SVEP1: variants seen among roughly 807,000 people sequenced by gnomAD.
SVEP1 encodes the protein sushi, von Willebrand factor type A, EGF and pentraxin domain-containing protein 1.
In SVEP1, 164 loss-of-function variants were observed where a neutral mutation model predicts 367.3. The observed-to-expected ratio is 0.45, with a 90% CI of 0.39 to 0.51. SVEP1 has a LOEUF of 0.51. Ranked by LOEUF, SVEP1 falls within the 20% of genes least tolerant of loss-of-function variation. The pLI is 0.00. For missense variants in SVEP1, 4,117 were observed against 4,425.3 expected (o/e 0.93, Z 1.98); for synonymous variants, 1,666 against 1,611.6 (o/e 1.03, Z -0.81).
intron 9 of SVEP1, among the ~76,000 whole-genome samples, chr9:110,486,368 G>A (rs115131058): frequency 0.012 from 1,835 of 152,282 alleles, 40 homozygotes; most frequent in African/African-American, 0.042. Flanking sequence ...GACAGCAGAT[G>A]TACTGTCTCC....
At chr9:110,565,371 G>A (rs551647437) in intron 1 of SVEP1, among the ~76,000 whole-genome samples, 1 of 152,252 alleles carries the variant, frequency 6.6e-6, no homozygotes, top group African/African-American at 2.4e-5. Context: ...TTTTGCTTGG[G>A]TTACATTTTA....
rs1393266831 is a variant in SVEP1 at position 110,483,632 on chromosome 9, C to T, written c.1992G>A (p.Lys664=). The T allele has an allele frequency of 1.2e-6, 2 of 1,612,380 alleles. No individual in the cohort carries two copies. The highest frequency in any genetic ancestry group is 1.3e-5 in the African/African-American group (1 of 74,956). ...GCTCATCCCAGCTTGCGGCATGTAC[C>T]TTCTCCGAGACCTGGACGGGAGGTG... The part of the protein sequence containing the change: ...RSPPPVQVSE[K]VHAASWDEPQ... Residue 664 remains lysine (K), a synonymous_variant, in exon 10 of 48, where the codon AAG becomes AAA. Transcript: ENST00000374469.
chr9:110,550,404 C>T (rs760270543), intron 1 of SVEP1, among the ~76,000 whole-genome samples: 19 of 152,052 alleles, frequency 1.2e-4, no homozygotes, highest in Non-Finnish European at 1.8e-4. Flanking sequence ...AATATTATCA[C>T]TTATTATTAT....
intron 1 of SVEP1, among the ~76,000 whole-genome samples, chr9:110,563,964 A>G (rs1410027530): frequency 6.6e-6 from 1 of 152,200 alleles, no homozygotes; most frequent in East Asian, 1.9e-4. Flanking sequence ...CAGGAAAAAG[A>G]ATATAAATGA....
chr9:110,444,598 C>A (rs572277699), intron 26 of SVEP1, among the ~76,000 whole-genome samples: 2 of 152,168 alleles, frequency 1.3e-5, no homozygotes, highest in African/African-American at 4.8e-5. Context: ...CTGTGTCATT[C>A]AGGGAAATGA....
chr9:110,483,602 C>T lies in SVEP1; in HGVS notation c.2022G>A (p.Gln674=). 1 of 1,612,086 alleles carries T rather than the reference C, an allele frequency of 6.2e-7. No individual in the cohort carries two copies. The highest frequency in any genetic ancestry group is 8.5e-7 in the Non-Finnish European group (1 of 1,179,092). Residue 674 remains glutamine (Q), a synonymous_variant, in exon 10 of 48, where the codon CAG becomes CAA. Transcript: ENST00000374469. ...KVHAASWDEP[Q]FSDNSGAELV... ...TCACCTCACCTGAGTTGTCTGAGAA[C>T]TGAGGCTCATCCCAGCTTGCGGCAT...
chr9:110,471,657 T>C, intron 15 of SVEP1, 60 bp from the exon 16 acceptor site: 2 of 1,291,050 alleles, frequency 1.5e-6, no homozygotes, highest in Non-Finnish European at 1.1e-6. Context: ...AAGTCATTTG[T>C]AGTTAATTTT....
intron 24 of SVEP1, among the ~76,000 whole-genome samples, chr9:110,449,338 T>C (rs899630517): frequency 3.3e-5 from 5 of 152,124 alleles, no homozygotes; most frequent in Admixed American, 2.0e-4. Flanking sequence ...CAAAGGTTAC[T>C]AAACTAAAAA....
chr9:110,525,519 T>C (rs1829929564), intron 3 of SVEP1, among the ~76,000 whole-genome samples: 1 of 152,160 alleles, frequency 6.6e-6, no homozygotes, highest in South Asian at 2.1e-4. Context: ...GCAGATATAA[T>C]ACAACTCCGA....
At chr9:110,450,035 A>G in intron 24 of SVEP1, 24 bp downstream of exon 24, 1 of 1,611,788 alleles carries the variant, frequency 6.2e-7, no homozygotes, top group South Asian at 1.1e-5. Flanking sequence ...AAAACAGTGA[A>G]AAGAATCAGA....
intron 45 of SVEP1, among the ~76,000 whole-genome samples, chr9:110,376,274 GA>G (rs1827349409): frequency 7.9e-6 from 1 of 125,824 alleles, no homozygotes; most frequent in Non-Finnish European, 1.9e-5. Flanking sequence ...CAGTGAGCCA[GA>G]CCAGCTAAGG....
chr9:110,469,451 CAGTT>C (rs1038347115), intron 16 of SVEP1, among the ~76,000 whole-genome samples: 3 of 152,156 alleles, frequency 2.0e-5, no homozygotes, highest in African/African-American at 4.8e-5. Context: ...AAGGAAAAAA[CAGTT>C]AGTTAGGTTC....
chr9:110,488,498 A>G (rs1298076786), intron 9 of SVEP1, among the ~76,000 whole-genome samples: 2 of 152,162 alleles, frequency 1.3e-5, no homozygotes, highest in African/African-American at 4.8e-5. Flanking sequence ...AGGGAAAAAA[A>G]AGACGGGAAA....
chr9:110,579,446 C>A lies in SVEP1; in HGVS notation c.98G>T (p.Arg33Leu). ...CCCGGGCGCGGTCTCGGGGAAGAGGCGGAAGCTGAAATTGCGCGACGGGGA... is the reference window on the plus strand; with the variant it reads ...CCCGGGCGCGGTCTCGGGGAAGAGGAGGAAGCTGAAATTGCGCGACGGGGA... ...QMSPSRNFSF[R>L]LFPETAPGAP... The change falls in exon 1 of 48, where the codon CGC (arginine) becomes CTC (leucine). Residue 33 changes from arginine (R) to leucine (L), a missense_variant. Transcript: ENST00000374469. The surrounding 1 kb of genome is among the most constrained non-coding windows in gnomAD (Gnocchi z 5.3). The A allele has an allele frequency of 6.3e-7, 1 of 1,596,730 alleles. No homozygotes were observed.
chr9:110,443,720 G>T lies in SVEP1; in HGVS notation c.4464C>A (p.Gly1488=). Residue 1488 remains glycine, a splice_region_variant and synonymous_variant, in exon 27 of 48, where the codon GGC becomes GGA. Coordinates refer to ENST00000374469, the MANE Select transcript of SVEP1 (RefSeq NM_153366.4). ...CCCTGCCATTCACATAAAGAACCCA[G>T]CTGTAGAGAGAAAGATTCCAGGGAA... ...DNTLLLTDYN[G]WVLYVNGREK... 6.3e-7 allele frequency: 1 copy of T among 1,582,966 alleles called. No individual in the cohort carries two copies. The highest frequency in any genetic ancestry group is 8.6e-7 in the Non-Finnish European group (1 of 1,162,648).
intron 18 of SVEP1, among the ~76,000 whole-genome samples, chr9:110,460,076 C>T (rs7854983): frequency 0.017 from 2,658 of 151,990 alleles, 62 homozygotes; most frequent in African/African-American, 0.052. Flanking sequence ...ATATATTTAC[C>T]TATGAGACGT....
At chr9:110,390,230 T>C (rs144649435) in intron 40 of SVEP1, among the ~76,000 whole-genome samples, 6,821 of 134,648 alleles carry the variant, frequency 0.051, 486 homozygotes, top group African/African-American at 0.12. Context: ...TATATACTTA[T>C]ATAAGTATGT....
chr9:110,550,505 T>C (rs1441678239), intron 1 of SVEP1, among the ~76,000 whole-genome samples: 2 of 151,386 alleles, frequency 1.3e-5, no homozygotes, highest in East Asian at 1.9e-4. Flanking sequence ...TATCTATCTA[T>C]CTATCTATCT....
At chr9:110,375,777 A>T (rs752072092) in intron 45 of SVEP1, among the ~76,000 whole-genome samples, 1 of 148,752 alleles carries the variant, frequency 6.7e-6, no homozygotes, top group African/African-American at 2.6e-5. Flanking sequence ...AATAAGCAGA[A>T]CGGTCTCCAT....
Sources: gnomAD v4.1 joint callset for allele counts (sites outside exome capture counted in the v4.1 genomes callset) on GRCh38, gnomAD v4.1.1 for gene constraint, Gnocchi (gnomAD v3.1) non-coding constraint, MANE v1.5 for transcripts, NCBI Gene and HGNC (gene_info 2026-07-23, HGNC 2026-07-21) for gene names.